Variants in CCDC102B observed in about 807,000 individuals in gnomAD.
CCDC102B encodes coiled-coil domain-containing protein 102B.
A neutral mutation model predicts 57.4 loss-of-function variants in CCDC102B; 75 were observed. The ratio of observed to expected loss-of-function variants is 1.31; its 90% CI spans 1.08 to 1.58. The LOEUF (loss-of-function observed/expected upper bound fraction) is 1.58. Ranked by LOEUF, CCDC102B falls within the 40% of genes most tolerant of loss-of-function variation. The pLI is 0.00. For synonymous variants in CCDC102B, 206 were observed against 201.9 expected, an observed-to-expected ratio of 1.02 and a Z score of -0.17; for missense variants, 636 against 582.6, an observed-to-expected ratio of 1.09 and a Z score of -0.94.
intron 6 of CCDC102B, among the ~76,000 whole-genome samples, chr18:68,949,057 G>C (rs1260647281): frequency 6.6e-6 from 1 of 152,084 alleles, no homozygotes; most frequent in Non-Finnish European, 1.5e-5. Flanking sequence ...AAAGATGTGG[G>C]CTGGGAGGGT....
chr18:69,054,258 A>G lies in CCDC102B; in HGVS notation c.*121A>G. The G allele has an allele frequency of 7.4e-7, 1 of 1,349,740 alleles. No individual in the cohort carries two copies. Among genetic ancestry groups the G allele is most frequent in the Non-Finnish European group, 9.5e-7 (1 of 1,056,602 alleles). 83.6% of individuals were successfully genotyped at this position (1,349,740 alleles called of 1,614,324 possible). A position where few individuals can be genotyped will look rare whatever the true frequency, so the allele number is the denominator to read the frequency against. On this transcript the variant is annotated 3_prime_UTR_variant, in exon 8 of 8. Transcript: ENST00000360242. ...AAATATTAATGAAAAAAACGTAGAC[A>G]ATACACAAATTAATGGGCTTCTTCA...
At chr18:68,878,899 C>G (rs1294039707) in intron 5 of CCDC102B, among the ~76,000 whole-genome samples, 1 of 152,098 alleles carries the variant, frequency 6.6e-6, no homozygotes, top group African/African-American at 2.4e-5. Flanking sequence ...AGCCACGGAC[C>G]CTCGTGGTGA....
chr18:69,049,528 A>G (rs2052651985), intron 7 of CCDC102B, among the ~76,000 whole-genome samples: 1 of 152,106 alleles, frequency 6.6e-6, no homozygotes, highest in Non-Finnish European at 1.5e-5. Flanking sequence ...TAAAATATTC[A>G]ATTGGAAGAA....
intron 2 of CCDC102B, among the ~76,000 whole-genome samples, chr18:68,725,088 T>A (rs1001524718): frequency 7.9e-5 from 12 of 152,178 alleles, no homozygotes; most frequent in African/African-American, 2.9e-4. Context: ...AAGCCCCTTA[T>A]ACAACCATCA....
intron 2 of CCDC102B, among the ~76,000 whole-genome samples, chr18:68,761,625 C>T (rs1480193904): frequency 6.6e-6 from 1 of 151,976 alleles, no homozygotes; most frequent in Non-Finnish European, 1.5e-5. Context: ...TTCCTTAACG[C>T]TGGCATAGCT....
At chr18:68,906,035 C>G (rs1479749927) in intron 6 of CCDC102B, among the ~76,000 whole-genome samples, 2 of 152,056 alleles carry the variant, frequency 1.3e-5, no homozygotes, top group African/African-American at 4.8e-5. Flanking sequence ...CCTCGTGATC[C>G]ACCTGCCTCG....
chr18:68,898,502 C>G (rs2040321713), intron 6 of CCDC102B, among the ~76,000 whole-genome samples: 1 of 152,038 alleles, frequency 6.6e-6, no homozygotes, highest in Non-Finnish European at 1.5e-5. Context: ...GTATTTGATT[C>G]TGACATATGT....
chr18:69,033,507 G>A (rs1213675073), intron 7 of CCDC102B, among the ~76,000 whole-genome samples: 30 of 151,976 alleles, frequency 2.0e-4, no homozygotes, highest in Admixed American at 1.6e-3. Context: ...CAGACTTTCC[G>A]ATTTTGGACA....
At chr18:68,849,032 G>C (rs1346777081) in intron 4 of CCDC102B, among the ~76,000 whole-genome samples, 2 of 151,916 alleles carry the variant, frequency 1.3e-5, no homozygotes, top group African/African-American at 4.8e-5. Context: ...GTGCCTAGTA[G>C]CTTATAATTT....
chr18:69,013,760 T>C (rs1322339243), intron 7 of CCDC102B, among the ~76,000 whole-genome samples: 1 of 152,176 alleles, frequency 6.6e-6, no homozygotes, highest in Non-Finnish European at 1.5e-5. Flanking sequence ...AAAAGAATTA[T>C]CAAGTTTTCA....
intron 3 of CCDC102B, among the ~76,000 whole-genome samples, chr18:68,845,166 T>G (rs1314350973): frequency 6.6e-6 from 1 of 151,862 alleles, no homozygotes; most frequent in African/African-American, 2.4e-5. Context: ...ACTAATATAT[T>G]TACAGCCTAA....
intron 4 of CCDC102B, 110 bp downstream of exon 4, chr18:68,846,531 A>AT: frequency 1.7e-6 from 1 of 603,086 alleles, no homozygotes; most frequent in South Asian, 2.9e-5. Flanking sequence ...GGGAGGTTAA[A>AT]AATTGGAATT....
At chr18:69,007,897 T>C (rs1345220915) in intron 6 of CCDC102B, among the ~76,000 whole-genome samples, 2 of 152,216 alleles carry the variant, frequency 1.3e-5, no homozygotes, top group South Asian at 4.1e-4. Context: ...CCTTCCTCTT[T>C]CCTCTTTCCT....
intron 2 of CCDC102B, among the ~76,000 whole-genome samples, chr18:68,746,913 G>A (rs1365977201): frequency 6.6e-6 from 1 of 151,846 alleles, no homozygotes; most frequent in African/African-American, 2.4e-5. Context: ...GTGAGAACAT[G>A]TAACATAAGA....
At chr18:68,853,398 A>G (rs1389084474) in intron 4 of CCDC102B, among the ~76,000 whole-genome samples, 1 of 152,048 alleles carries the variant, frequency 6.6e-6, no homozygotes, top group Admixed American at 6.6e-5. Context: ...ACTTTTGGAA[A>G]AAGTCTGGAA....
chr18:68,719,050 G>A (rs1347138057), intron 2 of CCDC102B, among the ~76,000 whole-genome samples: 1 of 151,830 alleles, frequency 6.6e-6, no homozygotes, highest in Non-Finnish European at 1.5e-5. Flanking sequence ...ACAACTTTAT[G>A]AAAATACATA....
chr18:68,896,161 G>T (rs1350153629), intron 5 of CCDC102B, among the ~76,000 whole-genome samples: 2 of 151,884 alleles, frequency 1.3e-5, no homozygotes, highest in African/African-American at 2.4e-5. Context: ...AGACAAAAAA[G>T]CTACTATTCA....
At chr18:68,997,856 T>A (rs3927840) in intron 6 of CCDC102B, among the ~76,000 whole-genome samples, 2 of 151,090 alleles carry the variant, frequency 1.3e-5, no homozygotes, top group African/African-American at 4.9e-5. Flanking sequence ...ATAATATGTG[T>A]TTTTTTTGGC....
At chr18:68,859,897 T>C (rs577703988) in intron 4 of CCDC102B, among the ~76,000 whole-genome samples, 2 of 84,224 alleles carry the variant, frequency 2.4e-5, no homozygotes, top group South Asian at 7.3e-4. Flanking sequence ...AGTGTGGCGA[T>C]TCCTCAGGGA....
Sources: allele counts gnomAD v4.1 joint callset (sites outside exome capture counted in the v4.1 genomes callset), GRCh38; gene constraint gnomAD v4.1.1; transcripts MANE v1.5; gene names NCBI Gene and HGNC (gene_info 2026-07-23, HGNC 2026-07-21).